The following BLTP1 variants were observed in gnomAD, a reference collection of about 807,000 sequenced individuals.
BLTP1 encodes fragile site-associated protein.
chr4:122,222,463 G>A, the BLTP1 span, among the ~76,000 whole-genome samples: 12 of 152,196 alleles, frequency 7.9e-5, no homozygotes, highest in South Asian at 8.3e-4. Flanking sequence ...TAGGGATGCC[G>A]TAACAAAGTA....
chr4:122,356,709 G>A, the BLTP1 span: 2 of 1,613,334 alleles, frequency 1.2e-6, no homozygotes, highest in Non-Finnish European at 1.7e-6. Flanking sequence ...AGCTCATCAT[G>A]TTTCTTCATG....
the BLTP1 span, chr4:122,325,541 AATAAAGGCTCC>A: frequency 8.2e-7 from 1 of 1,226,564 alleles, no homozygotes; most frequent in Non-Finnish European, 1.0e-6. Context: ...TTACATGCAC[AATAAAGGCTCC>A]ATAACTGCTT....
chr4:122,310,537 AG>A, the BLTP1 span, among the ~76,000 whole-genome samples: 1 of 152,140 alleles, frequency 6.6e-6, no homozygotes, highest in Non-Finnish European at 1.5e-5. Context: ...GAAAATAAAA[AG>A]GGGTATGAGT....
the BLTP1 span, chr4:122,246,287 A>G: frequency 6.3e-7 from 1 of 1,583,326 alleles, no homozygotes. Flanking sequence ...GACTAATGTT[A>G]GCATACCAAA....
chr4:122,216,105 A>G, the BLTP1 span, among the ~76,000 whole-genome samples: 60 of 148,542 alleles, frequency 4.0e-4, no homozygotes, highest in African/African-American at 1.1e-3. Flanking sequence ...CTATCTATCT[A>G]TCTATCTATC....
the BLTP1 span, chr4:122,200,854 C>A: frequency 1.2e-6 from 1 of 812,480 alleles, no homozygotes; most frequent in Non-Finnish European, 1.5e-6. Context: ...TGACCTTCAG[C>A]CACAGCAATA....
chr4:122,180,210 A>G, the BLTP1 span: 3 of 983,706 alleles, frequency 3.0e-6, no homozygotes, highest in African/African-American at 1.7e-5. Context: ...TTGTGACTTA[A>G]GGCAAGAATT....
At chr4:122,161,123 A>C in the BLTP1 span, 9 of 984,108 alleles carry the variant, frequency 9.1e-6, no homozygotes, top group Non-Finnish European at 1.1e-5. Flanking sequence ...GAGAGCTCTA[A>C]AGTTGGTTTA....
At chr4:122,274,231 C>A in the BLTP1 span, 1 of 704,382 alleles carries the variant, frequency 1.4e-6, no homozygotes, top group Non-Finnish European at 2.2e-6. Context: ...TTTACCATAA[C>A]TTTAAAATTA....
the BLTP1 span, chr4:122,153,057 C>A: frequency 4.1e-6 from 4 of 983,320 alleles, no homozygotes; most frequent in African/African-American, 1.8e-5. Context: ...TTGGTGCTTG[C>A]TGCACTGCAC....
chr4:122,269,056 C>T, the BLTP1 span: 6 of 932,284 alleles, frequency 6.4e-6, no homozygotes, highest in African/African-American at 1.1e-4. Context: ...ACCATCAAAT[C>T]CAGACCCAAA....
the BLTP1 span, chr4:122,301,319 T>C: frequency 6.2e-7 from 1 of 1,602,266 alleles, no homozygotes; most frequent in Non-Finnish European, 8.5e-7. Context: ...AGCCTATTCC[T>C]CTCTGGAACG....
the BLTP1 span, chr4:122,349,155 T>C: frequency 6.2e-7 from 1 of 1,601,552 alleles, no homozygotes; most frequent in South Asian, 1.1e-5. The surrounding 1 kb of genome is among the most constrained non-coding windows in gnomAD (Gnocchi z 4.5). Flanking sequence ...TTTCATTTTT[T>C]AGTTGGACAA....
the BLTP1 span, among the ~76,000 whole-genome samples, chr4:122,291,430 C>A: frequency 1.3e-5 from 2 of 152,200 alleles, no homozygotes; most frequent in African/African-American, 4.8e-5. Context: ...TCTTCCCTCT[C>A]CCATAATCTT....
chr4:122,272,866 A>G, the BLTP1 span, among the ~76,000 whole-genome samples: 1 of 152,118 alleles, frequency 6.6e-6, no homozygotes, highest in African/African-American at 2.4e-5. Context: ...GAGAATGATT[A>G]CACAAGGTAT....
At chr4:122,199,451 G>GT in the BLTP1 span, 1 of 1,611,064 alleles carries the variant, frequency 6.2e-7, no homozygotes, top group Non-Finnish European at 8.5e-7. Flanking sequence ...AATGTTAGCA[G>GT]TAAGTCTGTA....
At chr4:122,200,583 CAAAAAAA>C in the BLTP1 span, 9 of 901,532 alleles carry the variant, frequency 1.0e-5, no homozygotes, top group East Asian at 7.7e-4. Context: ...CGTCTCAAAA[CAAAAAAA>C]AAAAAAAAAA....
the BLTP1 span, chr4:122,277,646 T>G: frequency 1.0e-6 from 1 of 963,300 alleles, no homozygotes; most frequent in Non-Finnish European, 1.2e-6. Flanking sequence ...ATAGCCTTGC[T>G]CATTATGAAT....
chr4:122,289,965 A>T, the BLTP1 span: 29 of 208,176 alleles, frequency 1.4e-4, no homozygotes, highest in Non-Finnish European at 2.2e-4. Context: ...AAGAAGTCGT[A>T]TCCCAAAACT....
Sources: gnomAD v4.1 joint callset for allele counts (sites outside exome capture counted in the v4.1 genomes callset) on GRCh38, gnomAD v4.1.1 for gene constraint, Gnocchi (gnomAD v3.1) non-coding constraint, MANE v1.5 for transcripts, NCBI Gene and HGNC (gene_info 2026-07-23, HGNC 2026-07-21) for gene names.